Variants in GUCY1A1 observed in about 807,000 individuals in gnomAD.
The protein encoded by GUCY1A1 is guanylate cyclase soluble subunit alpha-1.
GUCY1A1 carries 48 observed loss-of-function variants against 64.5 expected under a neutral mutation model. The observed-to-expected ratio is 0.74, with a 90% CI of 0.59 to 0.95. The LOEUF (loss-of-function observed/expected upper bound fraction) is 0.95. GUCY1A1 is among the 40% of genes least tolerant of loss of function. GUCY1A1 has a pLI of 0.00. For missense variants in GUCY1A1, 804 were observed against 825.3 expected (o/e 0.97, Z 0.32); for synonymous variants, 308 against 303.4 (o/e 1.02, Z -0.16).
At chr4:155,674,368 A>G (rs1734596833) in intron 2 of GUCY1A1, among the ~76,000 whole-genome samples, 2 of 150,540 alleles carry the variant, frequency 1.3e-5, no homozygotes, top group Non-Finnish European at 2.9e-5. Flanking sequence ...AAAAAAAGAA[A>G]GAAAGAAAGA....
At chr4:155,687,379 A>T (rs553136195) in intron 2 of GUCY1A1, among the ~76,000 whole-genome samples, 83 of 152,216 alleles carry the variant, frequency 5.5e-4, no homozygotes, top group African/African-American at 1.9e-3. Context: ...ATCTTTTTTT[A>T]AAAAAATTAT....
At position 155,717,293 on chromosome 4, in the gene GUCY1A1, A is replaced by G; in HGVS notation, c.1707A>G (p.Glu569=). Residue 569 remains glutamate, a synonymous_variant, in exon 8 of 10, where the codon GAA becomes GAG. Coordinates refer to ENST00000506455, the MANE Select transcript of GUCY1A1 (RefSeq NM_001130682.3). ...LSDEVMSPHG[E]PIKMRIGLHS... ...ATGAAGTTATGTCTCCCCATGGAGA[A>G]CCTATCAAGGTAAGGCAGATGATAT... 1 of 1,588,704 alleles carries G rather than the reference A, an allele frequency of 6.3e-7. No individual in the cohort carries two copies. The highest frequency in any genetic ancestry group is 8.6e-7 in the Non-Finnish European group (1 of 1,165,750).
At chr4:155,680,922 TACACACACAC>T (rs10591570) in intron 2 of GUCY1A1, among the ~76,000 whole-genome samples, 1 of 148,314 alleles carries the variant, frequency 6.7e-6, no homozygotes, top group Admixed American at 6.8e-5. Context: ...GTCGATTGGA[TACACACACAC>T]ACACACACAC....
chr4:155,683,260 A>G (rs1736063693), intron 2 of GUCY1A1, among the ~76,000 whole-genome samples: 1 of 152,234 alleles, frequency 6.6e-6, no homozygotes, highest in Non-Finnish European at 1.5e-5. Context: ...AAAAGAGAAT[A>G]TATAGGAAAA....
At chr4:155,698,399 C>A (rs1730682775) in intron 3 of GUCY1A1, among the ~76,000 whole-genome samples, 1 of 152,076 alleles carries the variant, frequency 6.6e-6, no homozygotes, top group Non-Finnish European at 1.5e-5. Flanking sequence ...AGGATAGAGC[C>A]CTCCTCAGGG....
chr4:155,674,373 GAAAGAAAC>G (rs1734598466), intron 2 of GUCY1A1, among the ~76,000 whole-genome samples: 3 of 150,024 alleles, frequency 2.0e-5, no homozygotes, highest in Middle Eastern at 3.4e-3. Flanking sequence ...AAGAAAGAAA[GAAAGAAAC>G]AAAGAAACAA....
intron 7 of GUCY1A1, among the ~76,000 whole-genome samples, chr4:155,716,050 A>C (rs890669983): frequency 6.6e-6 from 1 of 152,170 alleles, no homozygotes; most frequent in Non-Finnish European, 1.5e-5. Context: ...GGTTATCTGC[A>C]GAGAGATTGC....
chr4:155,685,637 G>C (rs1181183291), intron 2 of GUCY1A1, among the ~76,000 whole-genome samples: 2 of 97,436 alleles, frequency 2.1e-5, no homozygotes, highest in Admixed American at 1.3e-4. Flanking sequence ...TCTCTTTGCT[G>C]TTCTTTCTGT....
chr4:155,698,362 C>G (rs576613422), intron 3 of GUCY1A1, among the ~76,000 whole-genome samples: 2 of 152,274 alleles, frequency 1.3e-5, no homozygotes, highest in Admixed American at 1.3e-4. Context: ...ACTCTAGTTG[C>G]TAGACAGCCA....
chr4:155,685,060 G>A (rs1038334338), intron 2 of GUCY1A1, among the ~76,000 whole-genome samples: 4 of 152,162 alleles, frequency 2.6e-5, no homozygotes, highest in African/African-American at 9.7e-5. Flanking sequence ...CACAGCAGGA[G>A]CTCTGTAGTT....
At chr4:155,668,806 A>ACT (rs1272042672) in intron 2 of GUCY1A1, among the ~76,000 whole-genome samples, 2 of 152,204 alleles carry the variant, frequency 1.3e-5, no homozygotes, top group African/African-American at 4.8e-5. Flanking sequence ...AGTTATACAT[A>ACT]TAAGCTTTAT....
At chr4:155,682,912 A>C (rs908057133) in intron 2 of GUCY1A1, among the ~76,000 whole-genome samples, 3 of 152,052 alleles carry the variant, frequency 2.0e-5, no homozygotes, top group Non-Finnish European at 2.9e-5. Flanking sequence ...TTTGTATTTT[A>C]TGTTTTTTCT....
intron 2 of GUCY1A1, among the ~76,000 whole-genome samples, chr4:155,685,603 GTTTTTTTTTTTTT>G (rs70954055): frequency 9.2e-6 from 1 of 108,856 alleles, no homozygotes; most frequent in African/African-American, 3.1e-5. Flanking sequence ...TTCTCCTTGT[GTTTTTTTTTTTTT>G]TTTTTTTTTT....
chr4:155,706,799 C>A (rs2126818842), intron 4 of GUCY1A1, among the ~76,000 whole-genome samples: 1 of 152,320 alleles, frequency 6.6e-6, no homozygotes, highest in East Asian at 1.9e-4. Flanking sequence ...ACAAACTAAG[C>A]TTCGCTCATT....
chr4:155,707,774 A>G (rs1049697488), intron 4 of GUCY1A1, among the ~76,000 whole-genome samples: 8 of 151,922 alleles, frequency 5.3e-5, no homozygotes, highest in Admixed American at 4.6e-4. Flanking sequence ...TTCTCATAAA[A>G]TTGATAGTCA....
chr4:155,670,243 T>C (rs1733949149), intron 2 of GUCY1A1, among the ~76,000 whole-genome samples: 1 of 152,238 alleles, frequency 6.6e-6, no homozygotes, highest in African/African-American at 2.4e-5. Context: ...TTTCTGCACA[T>C]TTGTAAAAAC....
chr4:155,723,261 G>A (rs1231204379), intron 9 of GUCY1A1, among the ~76,000 whole-genome samples: 2 of 152,104 alleles, frequency 1.3e-5, no homozygotes, highest in Admixed American at 6.6e-5. Context: ...GCTGGTCATC[G>A]AGCACTTTTC....
intron 7 of GUCY1A1, among the ~76,000 whole-genome samples, chr4:155,716,140 T>G (rs2126896479): frequency 6.6e-6 from 1 of 152,168 alleles, no homozygotes; most frequent in Admixed American, 6.5e-5. Flanking sequence ...TGGAACTAAG[T>G]GAGCAATATG....
rs1311398674 is a variant in GUCY1A1, at chr4:155,733,998, T to C, written c.*3767T>C. ...GTCACTCTCAAGGCTAATTAGTCTTTCAGATCCTTTGGTAGGGAGGAAAGA... is the reference window on the plus strand; with the variant it reads ...GTCACTCTCAAGGCTAATTAGTCTTCCAGATCCTTTGGTAGGGAGGAAAGA... On this transcript the variant is annotated 3_prime_UTR_variant, in exon 10 of 10. Transcript: ENST00000506455. 6.6e-6 allele frequency among the ~76,000 whole-genome samples: 1 copy of C among 151,922 alleles called. No individual in the cohort carries two copies. Among genetic ancestry groups the C allele is most frequent in the Non-Finnish European group, 1.5e-5 (1 of 67,914 alleles).
Sources: allele counts gnomAD v4.1 joint callset (sites outside exome capture counted in the v4.1 genomes callset), GRCh38; gene constraint gnomAD v4.1.1; transcripts MANE v1.5; gene names NCBI Gene and HGNC (gene_info 2026-07-23, HGNC 2026-07-21).